CCDC138: variants seen among roughly 807,000 people sequenced by gnomAD.
The protein encoded by CCDC138 is coiled-coil domain-containing protein 138.
A neutral mutation model predicts 82.3 loss-of-function variants in CCDC138; 66 were observed. The ratio of observed to expected loss-of-function variants is 0.80; its 90% CI spans 0.66 to 0.98. CCDC138 has a LOEUF of 0.98. Among genes scored for constraint, CCDC138 ranks in the 50% least tolerant of loss-of-function variants. CCDC138 has a pLI of 0.00. For synonymous variants in CCDC138, 297 were observed against 265.4 expected (o/e 1.12, Z -1.16); for missense variants, 816 against 758.9 (o/e 1.08, Z -0.88).
At chr2:108,820,671 C>T (rs1238752779) in intron 10 of CCDC138, among the ~76,000 whole-genome samples, 1 of 143,700 alleles carries the variant, frequency 7.0e-6, no homozygotes, top group East Asian at 2.0e-4. Flanking sequence ...TGCAGGCCAA[C>T]AGGCAGTGGG....
chr2:108,836,108 A>T (rs1688534285), intron 10 of CCDC138, among the ~76,000 whole-genome samples: 2 of 152,200 alleles, frequency 1.3e-5, no homozygotes, highest in South Asian at 4.1e-4. Flanking sequence ...AGTTTCCAAC[A>T]CATAAATTTT....
intron 12 of CCDC138, among the ~76,000 whole-genome samples, chr2:108,850,363 T>G (rs191180389): frequency 3.3e-5 from 5 of 152,282 alleles, no homozygotes; most frequent in Admixed American, 3.3e-4. Flanking sequence ...CAGATATATA[T>G]AGATCTATGA....
chr2:108,809,826 G>C (rs892140654), intron 7 of CCDC138, among the ~76,000 whole-genome samples: 2 of 151,202 alleles, frequency 1.3e-5, no homozygotes, highest in Admixed American at 1.3e-4. Context: ...GTTTGTTTGT[G>C]ATGGAGTCTC....
chr2:108,845,759 G>A (rs1558721177), intron 11 of CCDC138, among the ~76,000 whole-genome samples: 1 of 152,030 alleles, frequency 6.6e-6, no homozygotes, highest in Non-Finnish European at 1.5e-5. Flanking sequence ...TTTTAGTAGA[G>A]ATGGGGTTTC....
chr2:108,788,391 G>A (rs1679292526), intron 2 of CCDC138, among the ~76,000 whole-genome samples: 1 of 149,610 alleles, frequency 6.7e-6, no homozygotes, highest in Non-Finnish European at 1.5e-5. Flanking sequence ...CTACACTCCA[G>A]CCTGGGCAAC....
Position 108,847,002 on chromosome 2 carries a change from T to C in CCDC138, c.1516+72T>C, listed in dbSNP as rs1053081189. On this transcript the variant is annotated intron_variant, in intron 12 of 14. Transcript: ENST00000295124. ...AATATCATATATTAAAGCAATTCTT[T>C]TATCAAATATGTTGTACATTTTCAG... The C allele has an allele frequency of 2.5e-5, 21 of 830,318 alleles. No homozygotes were observed. In the African/African-American group the frequency reaches 2.9e-4, roughly 12 times the overall value. The allele number at this position is 830,318 out of a possible 1,614,324, so 51.4% of individuals were successfully genotyped here.
chr2:108,839,782 TA>T (rs1689156554), intron 11 of CCDC138, among the ~76,000 whole-genome samples: 1 of 152,114 alleles, frequency 6.6e-6, no homozygotes, highest in African/African-American at 2.4e-5. Context: ...TCAGGATTTT[TA>T]CATAGAAAAT....
intron 13 of CCDC138, among the ~76,000 whole-genome samples, chr2:108,869,874 A>C (rs934450819): frequency 6.6e-6 from 1 of 151,682 alleles, no homozygotes; most frequent in Non-Finnish European, 1.5e-5. Context: ...GATTTTCAGC[A>C]AAAAAAATCG....
At chr2:108,804,868 G>GTT (rs753278167) in intron 6 of CCDC138, 21 bp from the exon 7 acceptor site, 73 of 1,358,524 alleles carry the variant, frequency 5.4e-5, no homozygotes, top group South Asian at 2.9e-4. Flanking sequence ...TTAGATGAGA[G>GTT]TTTTTTTTTT....
chr2:108,864,917 T>C (rs1423744182), intron 13 of CCDC138, among the ~76,000 whole-genome samples: 1 of 151,456 alleles, frequency 6.6e-6, no homozygotes, highest in East Asian at 2.0e-4. Flanking sequence ...GCTATTAACA[T>C]GCCACTGCAC....
intron 7 of CCDC138, 108 bp from the exon 8 acceptor site, chr2:108,812,522 GT>G: frequency 1.3e-6 from 1 of 760,824 alleles, no homozygotes; most frequent in Non-Finnish European, 2.2e-6. Flanking sequence ...TCTCTGTTTT[GT>G]TACATTGGTT....
At chr2:108,871,746 T>C (rs1231609780) in intron 13 of CCDC138, among the ~76,000 whole-genome samples, 3 of 152,232 alleles carry the variant, frequency 2.0e-5, no homozygotes, top group Non-Finnish European at 4.4e-5. Flanking sequence ...ATGAAATACA[T>C]ACTGCTAATG....
chr2:108,846,077 A>C (rs1285999849), intron 11 of CCDC138, among the ~76,000 whole-genome samples: 3 of 152,138 alleles, frequency 2.0e-5, no homozygotes, highest in African/African-American at 7.2e-5. Flanking sequence ...AGTTAGCTGA[A>C]GGGACTGAGG....
At chr2:108,855,954 T>TC (rs1433368525) in intron 12 of CCDC138, among the ~76,000 whole-genome samples, 1 of 152,212 alleles carries the variant, frequency 6.6e-6, no homozygotes, top group African/African-American at 2.4e-5. Context: ...CGGTTTTTTT[T>TC]CCCTCTGAAT....
chr2:108,873,725 C>T (rs1053586520), intron 14 of CCDC138, 136 bp downstream of exon 14: 2 of 566,722 alleles, frequency 3.5e-6, no homozygotes, highest in South Asian at 2.7e-5. Context: ...ACATAAAATA[C>T]GCTAACACTA....
At chr2:108,843,886 CTT>C (rs57196170) in intron 11 of CCDC138, among the ~76,000 whole-genome samples, 6,762 of 93,598 alleles carry the variant, frequency 0.072, 904 homozygotes, top group South Asian at 0.13. Context: ...GTGTTTCTTT[CTT>C]TTTTTTTTTT....
At chr2:108,853,949 A>T in intron 12 of CCDC138, among the ~76,000 whole-genome samples, 3 of 122,722 alleles carry the variant, frequency 2.4e-5, no homozygotes, top group African/African-American at 9.4e-5. Flanking sequence ...TATAATATAC[A>T]ATAAATATAT....
At chr2:108,842,675 T>A (rs933243579) in intron 11 of CCDC138, among the ~76,000 whole-genome samples, 2 of 152,128 alleles carry the variant, frequency 1.3e-5, no homozygotes, top group African/African-American at 4.8e-5. Context: ...GGAGGAGTTG[T>A]CTAAGGCAGA....
intron 9 of CCDC138, among the ~76,000 whole-genome samples, chr2:108,815,322 AC>A (rs1258298561): frequency 2.6e-5 from 4 of 152,086 alleles, no homozygotes; most frequent in Non-Finnish European, 5.9e-5. Flanking sequence ...ATCTTATCAA[AC>A]TTGGATAAAG....
Sources: gnomAD v4.1 joint callset for allele counts (sites outside exome capture counted in the v4.1 genomes callset) on GRCh38, gnomAD v4.1.1 for gene constraint, MANE v1.5 for transcripts, NCBI Gene and HGNC (gene_info 2026-07-23, HGNC 2026-07-21) for gene names.